Variants in ITSN1 observed in about 807,000 individuals in gnomAD.
ITSN1 encodes intersectin 1, also known as intersectin-1.
In ITSN1, 58 loss-of-function variants were observed where a neutral mutation model predicts 239.8. The observed-to-expected ratio is 0.24, with a 90% CI of 0.20 to 0.30. ITSN1 has a LOEUF of 0.30. Ranked by LOEUF, ITSN1 falls within the 10% of genes least tolerant of loss-of-function variation. The pLI, the probability that ITSN1 is intolerant of heterozygous loss-of-function variation, is 1.00. For missense variants in ITSN1, 1,558 were observed against 2,103.3 expected, an observed-to-expected ratio of 0.74 and a Z score of 5.07; for synonymous variants, 780 against 770.8, an observed-to-expected ratio of 1.01 and a Z score of -0.20.
At chr21:33,789,486 T>C (rs2070935986) in intron 16 of ITSN1, among the ~76,000 whole-genome samples, 1 of 152,216 alleles carries the variant, frequency 6.6e-6, no homozygotes, top group Admixed American at 6.5e-5. Context: ...AGAGACATCC[T>C]GAGGCGAACC....
At chr21:33,770,029 T>A (rs923420313) in intron 11 of ITSN1, among the ~76,000 whole-genome samples, 2 of 151,700 alleles carry the variant, frequency 1.3e-5, no homozygotes, top group East Asian at 3.9e-4. Flanking sequence ...TATTAATTTA[T>A]CATAAGGGCC....
intron 29 of ITSN1, chr21:33,838,554 C>A: frequency 2.9e-6 from 2 of 691,910 alleles, no homozygotes; most frequent in South Asian, 1.3e-4. Flanking sequence ...GGTGAGGAAC[C>A]AAGCAGACTA....
At chr21:33,704,871 G>A (rs987146859) in intron 1 of ITSN1, among the ~76,000 whole-genome samples, 22 of 144,824 alleles carry the variant, frequency 1.5e-4, no homozygotes, top group East Asian at 6.1e-4. Context: ...GGCAGATCAC[G>A]AGGTCAGGAG....
chr21:33,795,536 T>C (rs1203326823), intron 17 of ITSN1, among the ~76,000 whole-genome samples: 1 of 152,190 alleles, frequency 6.6e-6, no homozygotes, highest in Non-Finnish European at 1.5e-5. Flanking sequence ...TGCCAAGAGC[T>C]GTGCATACTT....
intron 1 of ITSN1, among the ~76,000 whole-genome samples, chr21:33,701,897 G>A (rs2092028521): frequency 6.6e-6 from 1 of 151,522 alleles, no homozygotes; most frequent in African/African-American, 2.4e-5. Flanking sequence ...ATGAAACCCC[G>A]TCTCTACTAA....
intron 1 of ITSN1, among the ~76,000 whole-genome samples, chr21:33,665,740 C>T (rs2089888878): frequency 6.6e-6 from 1 of 152,102 alleles, no homozygotes; most frequent in Non-Finnish European, 1.5e-5. Flanking sequence ...TGTCCATCAA[C>T]TTTTGTGCAT....
At chr21:33,719,729 CA>C (rs2065373933) in intron 2 of ITSN1, among the ~76,000 whole-genome samples, 2 of 152,066 alleles carry the variant, frequency 1.3e-5, no homozygotes. Context: ...GGATTTGAAG[CA>C]TGACATTTTT....
chr21:33,817,270 A>C (rs1256740652), intron 22 of ITSN1: 1 of 1,304,204 alleles, frequency 7.7e-7, no homozygotes, highest in Non-Finnish European at 1.0e-6. Context: ...ACTAGGCCAC[A>C]TGCAGCCCCG....
At chr21:33,671,961 G>C (rs1215205664) in intron 1 of ITSN1, among the ~76,000 whole-genome samples, 6 of 151,776 alleles carry the variant, frequency 4.0e-5, no homozygotes, top group Non-Finnish European at 8.8e-5. Context: ...TCGATGTCTT[G>C]GCTGGGCACA....
intron 29 of ITSN1, among the ~76,000 whole-genome samples, chr21:33,844,909 C>A (rs2074944315): frequency 6.6e-6 from 1 of 152,082 alleles, no homozygotes; most frequent in African/African-American, 2.4e-5. Context: ...ATCTGCCCGT[C>A]CTGTCCGCCT....
At chr21:33,851,783 T>TTC (rs1443144809) in intron 29 of ITSN1, among the ~76,000 whole-genome samples, 1 of 128,842 alleles carries the variant, frequency 7.8e-6, no homozygotes, top group Non-Finnish European at 1.6e-5. Context: ...CTTTCCTTTT[T>TTC]TTTTTTTTTT....
At chr21:33,838,726 C>A (rs2074720546) in intron 29 of ITSN1, among the ~76,000 whole-genome samples, 1 of 151,200 alleles carries the variant, frequency 6.6e-6, no homozygotes. Context: ...CCTTATAATA[C>A]CAGTTTCGAA....
At chr21:33,677,348 T>TA (rs2090656571) in intron 1 of ITSN1, among the ~76,000 whole-genome samples, 1 of 151,874 alleles carries the variant, frequency 6.6e-6, no homozygotes, top group Admixed American at 6.6e-5. Context: ...AATTCTTTTT[T>TA]TTTTTTTTTT....
rs202031924 is a variant in ITSN1, at chr21:33,755,354, A to G, written c.681A>G (p.Gln227=). 4.7e-5 allele frequency: 75 copies of G among 1,610,376 alleles called. No individual in the cohort carries two copies. In the East Asian group the frequency reaches 1.3e-3, roughly 27 times the overall value. ...VPQSSRLKYR[Q]LFNSHDKTMS... ...AGTCATCAAGACTGAAATACAGGCA[A>G]TTATTCAATAGTCATGACAAAACTA... Residue 227 remains glutamine, a synonymous_variant, in exon 8 of 40, where the codon CAA becomes CAG. Coordinates refer to ENST00000381318, the MANE Select transcript of ITSN1 (RefSeq NM_003024.3).
rs781358268 is a variant in ITSN1 at position 33,856,885 on chromosome 21, C to T, written c.3783+28C>T. The stretch of plus-strand genomic sequence containing the variant: ...AAGGGAGCTGGTGGGGCAGGGGGCA[C>T]GGCAGGGGGCGATGACGGAGGGAGA... On this transcript the variant is annotated intron_variant, in intron 30 of 39. Coordinates refer to ENST00000381318, the MANE Select transcript of ITSN1 (RefSeq NM_003024.3). 19 of 1,598,822 alleles carry T rather than the reference C, an allele frequency of 1.2e-5. No individual in the cohort carries two copies. The African/African-American group carries it at 1.3e-4, about 11-fold the overall frequency.
chr21:33,717,729 T>TGTG (rs544780612), intron 1 of ITSN1, among the ~76,000 whole-genome samples: 3 of 151,538 alleles, frequency 2.0e-5, no homozygotes, highest in Admixed American at 2.0e-4. Context: ...CTAATTTTTT[T>TGTG]TGTGTGTGTG....
In ITSN1 at chr21:33,865,683, A is replaced by G. The variant is rs962682875; in HGVS notation, c.4074+349A>G. ...ATTTCCTCTTGTGTTTAATCGCCAC[A>G]TCCTCAGTTCTTTGCTGGTCTCTGC... On this transcript the variant is annotated intron_variant, in intron 32 of 39. Transcript: ENST00000381318. This position sits in a 1 kb window ranked among gnomAD's most constrained non-coding sequence, Gnocchi z 4.4. Among the ~76,000 whole-genome samples, 1 of 152,228 alleles carries G rather than the reference A, an allele frequency of 6.6e-6. No individual in the cohort carries two copies. The highest frequency in any genetic ancestry group is 2.4e-5 in the African/African-American group (1 of 41,456).
chr21:33,857,935 G>C (rs1160062961), intron 30 of ITSN1, among the ~76,000 whole-genome samples: 1 of 152,206 alleles, frequency 6.6e-6, no homozygotes, highest in Non-Finnish European at 1.5e-5. Flanking sequence ...TTATGTCGAA[G>C]ATGGGCTGTC....
At chr21:33,731,100 A>C (rs1475068896) in intron 4 of ITSN1, among the ~76,000 whole-genome samples, 1 of 152,236 alleles carries the variant, frequency 6.6e-6, no homozygotes, top group Non-Finnish European at 1.5e-5. Flanking sequence ...GACATTTTCA[A>C]CTAAATGTTG....
Sources: gnomAD v4.1 joint callset for allele counts (sites outside exome capture counted in the v4.1 genomes callset) on GRCh38, gnomAD v4.1.1 for gene constraint, Gnocchi (gnomAD v3.1) non-coding constraint, MANE v1.5 for transcripts, NCBI Gene and HGNC (gene_info 2026-07-23, HGNC 2026-07-21) for gene names.